Variants in AKAP4 observed in about 807,000 individuals in gnomAD.
AKAP4 encodes A-kinase anchoring protein 4, also known as A-kinase anchor protein 4.
AKAP4 carries 4 observed loss-of-function variants against 42.6 expected under a neutral mutation model. The ratio of observed to expected loss-of-function variants is 0.09; its 90% CI spans 0.05 to 0.22. The LOEUF is 0.22. Ranked by LOEUF, AKAP4 falls within the 10% of genes least tolerant of loss-of-function variation. The pLI, the probability that AKAP4 is intolerant of heterozygous loss-of-function variation, is 1.00. For synonymous variants in AKAP4, 223 were observed against 233.0 expected, an observed-to-expected ratio of 0.96 and a Z score of 0.39; for missense variants, 551 against 630.7, an observed-to-expected ratio of 0.87 and a Z score of 1.35.
chrX:50,200,778 G>T, intron 1 of AKAP4, 85 bp downstream of exon 1: 1 of 906,842 alleles, frequency 1.1e-6, no homozygotes, highest in Non-Finnish European at 1.6e-6. Context: ...ATAGAAACTT[G>T]GAGGCTGCCT....
At position 50,193,104 on chromosome X, in the gene AKAP4, T is replaced by C. The variant is rs781919108; in HGVS notation, c.1609A>G (p.Thr537Ala). ...ATCAGGTCCTTGGCCAGTGAATCTG[T>C]GGAAGCATTGATCTTTTCTCCTTTC... ...DEKGEKINASTDSLAKDLIVS... is the reference protein window; with the variant it reads ...DEKGEKINASADSLAKDLIVS... The change falls in exon 5 of 6, where the codon ACA (threonine) becomes GCA (alanine). Residue 537 changes from threonine to alanine, a missense_variant. Transcript: ENST00000358526. 4 of 1,211,890 alleles carry C rather than the reference T, an allele frequency of 3.3e-6. No homozygotes were observed. Among genetic ancestry groups the C allele is most frequent in the South Asian group, 3.5e-5 (2 of 56,981 alleles).
At chrX:50,197,407 T>C in intron 3 of AKAP4, 137 bp downstream of exon 3, 1 of 514,773 alleles carries the variant, frequency 1.9e-6, no homozygotes. Context: ...CTTGGGCTCA[T>C]GAGAATGCTG....
chrX:50,193,922 C>T lies in AKAP4; in HGVS notation c.791G>A (p.Arg264Gln), dbSNP rs782377975. The change falls in exon 5 of 6, where the codon CGA becomes CAA. Residue 264 changes from arginine to glutamine, a missense_variant. Arg to Gln is a conservative substitution (Grantham distance 43, BLOSUM62 1). Transcript: ENST00000358526. The part of the protein sequence containing the change: ...SPGNKERISP[R>Q]TPASKIASEM... ...AGAAGCAATCTTGCTCGCAGGAGTT[C>T]GGGGACTGATTCTCTCTTTGTTCCC... 2.7e-5 allele frequency: 33 copies of T among 1,209,985 alleles called. No homozygotes were observed. The highest frequency in any genetic ancestry group is 4.4e-5 in the Admixed American group (2 of 45,757).
chrX:50,200,926 A>T lies in AKAP4; in HGVS notation c.-37T>A. 1 of 1,182,259 alleles carries T rather than the reference A, an allele frequency of 8.5e-7. No individual in the cohort carries two copies. Among genetic ancestry groups the T allele is most frequent in the Non-Finnish European group, 1.1e-6 (1 of 869,682 alleles). On this transcript the variant is annotated 5_prime_UTR_variant, in exon 1 of 6. Transcript: ENST00000358526. ...GAATGATGTTTTCTTGTTGATTTGG[A>T]TGCTGTGATGACTCTTCCAGTCTGC... is the stretch of plus-strand genomic sequence containing the variant.
intron 4 of AKAP4, among the ~76,000 whole-genome samples, chrX:50,196,093 A>G (rs782658315): frequency 1.8e-5 from 2 of 111,828 alleles, no homozygotes; most frequent in Non-Finnish European, 3.8e-5. Context: ...CTTTCTTAAG[A>G]CTCCAAAATT....
rs1409876523 is a variant in AKAP4 at position 50,198,651 on chromosome X, T to C, written c.123+6A>G. On this transcript the variant is annotated splice_donor_region_variant and intron_variant, in intron 2 of 5. Coordinates refer to ENST00000358526, the MANE Select transcript of AKAP4 (RefSeq NM_003886.3). ...ACTCCTCGGCATGAGTCATTTTTTA[T>C]CTTACCACTTTCCGGTCCTGATCTT... 4.2e-6 allele frequency: 5 copies of C among 1,200,395 alleles called. No homozygotes were observed. Among genetic ancestry groups the C allele is most frequent in the Non-Finnish European group, 5.6e-6 (5 of 887,478 alleles).
rs113067239 is a variant in AKAP4, at chrX:50,190,927, G to T, written c.*33C>A. On this transcript the variant is annotated 3_prime_UTR_variant, in exon 6 of 6. Coordinates refer to ENST00000358526, the MANE Select transcript of AKAP4 (RefSeq NM_003886.3). ...TCTGGCTGGGATGGAATGCTGCTAGGGGGGCTAAGATGAAGAGGAGTCAAG... is the reference window on the plus strand; with the variant it reads ...TCTGGCTGGGATGGAATGCTGCTAGTGGGGCTAAGATGAAGAGGAGTCAAG... The T allele has an allele frequency of 5.6e-4, 669 of 1,204,851 alleles. No individual in the cohort carries two copies. The highest frequency in any genetic ancestry group is 1.6e-3 in the Middle Eastern group (7 of 4,275).
intron 5 of AKAP4, among the ~76,000 whole-genome samples, chrX:50,191,490 C>T (rs927226403): frequency 9.0e-6 from 1 of 110,936 alleles, no homozygotes; most frequent in Non-Finnish European, 1.9e-5. Flanking sequence ...ATTCCCCCAC[C>T]TCCCTAAAAA....
In AKAP4 at chrX:50,192,291, A is replaced by C; in HGVS notation, c.2409+13T>G. 2 of 1,170,164 alleles carry C rather than the reference A, an allele frequency of 1.7e-6. No homozygotes were observed. The highest frequency in any genetic ancestry group is 1.1e-6 in the Non-Finnish European group (1 of 873,539). ...ATTCCAACTTTCTTCTTGTGCCTTA[A>C]TGCATTACTTACCTTTTCCAGTTGT... is the stretch of plus-strand genomic sequence containing the variant. On this transcript the variant is annotated intron_variant, in intron 5 of 5. Coordinates refer to ENST00000358526, the MANE Select transcript of AKAP4 (RefSeq NM_003886.3).
In AKAP4 at chrX:50,193,598, A is replaced by G; in HGVS notation, c.1115T>C (p.Leu372Pro). ...GGACACAATCTCCTTGGTGTGCCTT[A>G]GCAACACCCTCTTCAGGACCACAGA... is the stretch of plus-strand genomic sequence containing the variant. ...PASVVLKRVLLRHTKEIVSDL... is the reference protein window; with the variant it reads ...PASVVLKRVLPRHTKEIVSDL... Residue 372 changes from leucine to proline, a missense_variant, in exon 5 of 6, where the codon CTA becomes CCA. Physicochemically the swap from Leu to Pro is moderately conservative, Grantham distance 98 (BLOSUM62 -3). Transcript: ENST00000358526. The G allele has an allele frequency of 8.3e-7, 1 of 1,211,833 alleles. No individual in the cohort carries two copies. The highest frequency in any genetic ancestry group is 1.1e-6 in the Non-Finnish European group (1 of 895,517).
chrX:50,194,530 C>A, intron 4 of AKAP4, 94 bp from the exon 5 acceptor site: 2 of 738,935 alleles, frequency 2.7e-6, no homozygotes, highest in South Asian at 2.8e-5. Context: ...GGGATTTGAC[C>A]TTTTGGAGTT....
chrX:50,192,221 A>G (rs1935121808), intron 5 of AKAP4, 83 bp downstream of exon 5: 1 of 852,326 alleles, frequency 1.2e-6, no homozygotes, highest in South Asian at 2.8e-5. Flanking sequence ...TGAAACTCGA[A>G]TGATCTTGGG....
chrX:50,198,131 G>T (rs1397164137), intron 2 of AKAP4, among the ~76,000 whole-genome samples: 2 of 111,360 alleles, frequency 1.8e-5, no homozygotes, highest in African/African-American at 6.5e-5. Flanking sequence ...CATCAAACCT[G>T]GGATATTATG....
At chrX:50,199,739 C>A (rs1935236320) in intron 1 of AKAP4, among the ~76,000 whole-genome samples, 2 of 73,633 alleles carry the variant, frequency 2.7e-5, no homozygotes, top group Admixed American at 3.1e-4. Flanking sequence ...CCCCTCCCAC[C>A]CTCCCCACTC....
intron 5 of AKAP4, 96 bp downstream of exon 5, chrX:50,192,208 A>T: frequency 2.5e-6 from 2 of 785,448 alleles, no homozygotes; most frequent in Non-Finnish European, 3.6e-6. Flanking sequence ...TAAAGAATAG[A>T]CTTGAAACTC....
In AKAP4 at chrX:50,193,063, C is replaced by A; in HGVS notation, c.1650G>T (p.Lys550Asn). Residue 550 changes from lysine (K) to asparagine (N), a missense_variant, in exon 5 of 6, where the codon AAG becomes AAT. Physicochemically the swap from Lys to Asn is moderately conservative, Grantham distance 94. Coordinates refer to ENST00000358526, the MANE Select transcript of AKAP4 (RefSeq NM_003886.3). ...LAKDLIVSALKLIQYHLTQQT... is the reference protein window; with the variant it reads ...LAKDLIVSALNLIQYHLTQQT... ...GCTGGGTCAGATGGTACTGGATCAGCTTAAGGGCAGAGACAATCAGGTCCT... is the reference window on the plus strand; with the variant it reads ...GCTGGGTCAGATGGTACTGGATCAGATTAAGGGCAGAGACAATCAGGTCCT... 8.3e-7 allele frequency: 1 copy of A among 1,211,917 alleles called. No individual in the cohort carries two copies. Among genetic ancestry groups the A allele is most frequent in the Non-Finnish European group, 1.1e-6 (1 of 895,574 alleles).
intron 4 of AKAP4, 95 bp downstream of exon 4, chrX:50,196,796 A>T: frequency 3.3e-6 from 2 of 604,616 alleles, no homozygotes; most frequent in Admixed American, 2.6e-5. Context: ...AGCCTGTTTG[A>T]CAGTAAGTGT....
Position 50,192,474 on chromosome X carries a change from T to A in AKAP4, c.2239A>T (p.Met747Leu). ...AGAGAGTCTTGATAGTTCTGTGGCA[T>A]TGCACCACTGTGAATGCATCTGGTG... ...RGTRCIHSGA[M>L]PQNYQDSLGH... The change falls in exon 5 of 6, where the codon ATG (methionine) becomes TTG (leucine). Residue 747 changes from methionine to leucine, a missense_variant. Transcript: ENST00000358526. The A allele has an allele frequency of 8.3e-6, 10 of 1,210,638 alleles. No individual in the cohort carries two copies. Among genetic ancestry groups the A allele is most frequent in the Non-Finnish European group, 1.1e-5 (10 of 895,005 alleles).
At position 50,194,198 on chromosome X, in the gene AKAP4, G is replaced by A; in HGVS notation, c.515C>T (p.Pro172Leu). ...TGTCATTTCTAGACGTAGGTTTTGA[G>A]GTCTGTTCATCAAATAATCTATGTT... ...QVNIDYLMNR[P>L]QNLRLEMTAA... Residue 172 changes from proline (P) to leucine (L), a missense_variant, in exon 5 of 6, where the codon CCT becomes CTT. By Grantham distance (98) the Pro-to-Leu change is moderately conservative (BLOSUM62 -3). Coordinates refer to ENST00000358526, the MANE Select transcript of AKAP4 (RefSeq NM_003886.3). 1 of 1,211,196 alleles carries A rather than the reference G, an allele frequency of 8.3e-7. No homozygotes were observed. The highest frequency in any genetic ancestry group is 1.8e-5 in the South Asian group (1 of 56,945).
Sources: gnomAD v4.1 joint callset for allele counts (sites outside exome capture counted in the v4.1 genomes callset) on GRCh38, gnomAD v4.1.1 for gene constraint, MANE v1.5 for transcripts, NCBI Gene and HGNC (gene_info 2026-07-23, HGNC 2026-07-21) for gene names.